ARHGAP25: variants seen among roughly 807,000 people sequenced by gnomAD.
ARHGAP25 encodes the protein Rho GTPase activating protein 25.
Under a neutral mutation model 71.0 loss-of-function variants are expected in ARHGAP25, and 34 were observed. The ratio of observed to expected loss-of-function variants is 0.48; its 90% confidence interval spans 0.36 to 0.64. The LOEUF (loss-of-function observed/expected upper bound fraction) is 0.64. Among genes scored for constraint, ARHGAP25 ranks in the 30% least tolerant of loss-of-function variants. ARHGAP25 has a pLI of 0.00. For missense variants in ARHGAP25, 706 were observed against 805.1 expected (o/e 0.88, Z 1.49); for synonymous variants, 282 against 296.5 (o/e 0.95, Z 0.50).
chr2:68,772,828 A>G (rs1378749160), intron 1 of ARHGAP25, among the ~76,000 whole-genome samples: 1 of 152,260 alleles, frequency 6.6e-6, no homozygotes, highest in African/African-American at 2.4e-5. Context: ...GCAAGATCTC[A>G]GATAAAGTTC....
chr2:68,778,690 G>T (rs751878649), intron 2 of ARHGAP25, among the ~76,000 whole-genome samples: 1 of 152,122 alleles, frequency 6.6e-6, no homozygotes, highest in Admixed American at 6.6e-5. Flanking sequence ...CCAAAAAATT[G>T]TCATACCCTT....
chr2:68,775,158 G>T (rs779696055), intron 1 of ARHGAP25, 63 bp from the exon 2 acceptor site: 2 of 1,613,012 alleles, frequency 1.2e-6, no homozygotes, highest in Non-Finnish European at 1.7e-6. Context: ...TCTCCTCTCC[G>T]CCCACTCTTT....
intron 1 of ARHGAP25, among the ~76,000 whole-genome samples, chr2:68,773,621 A>G (rs1160303365): frequency 6.6e-6 from 1 of 152,338 alleles, no homozygotes; most frequent in East Asian, 1.9e-4. Flanking sequence ...GACTCATGTA[A>G]CAAACCAGCA....
At chr2:68,774,422 C>T (rs948217722) in intron 1 of ARHGAP25, among the ~76,000 whole-genome samples, 1 of 152,180 alleles carries the variant, frequency 6.6e-6, no homozygotes, top group African/African-American at 2.4e-5. Flanking sequence ...GCCAAATATA[C>T]CATGCTGAGT....
intron 5 of ARHGAP25, among the ~76,000 whole-genome samples, chr2:68,809,037 A>G (rs1680584341): frequency 6.6e-6 from 1 of 151,988 alleles, no homozygotes; most frequent in Non-Finnish European, 1.5e-5. Flanking sequence ...CGCAGGGGCA[A>G]CTCTTAGGTC....
chr2:68,720,365 A>C (rs932326509), intron 2 of ARHGAP25, among the ~76,000 whole-genome samples: 1 of 151,850 alleles, frequency 6.6e-6, no homozygotes, highest in Non-Finnish European at 1.5e-5. Context: ...AGAAAAAAAA[A>C]AGCTCCTATA....
At chr2:68,761,672 A>T (rs1676829898) in intron 1 of ARHGAP25, among the ~76,000 whole-genome samples, 1 of 152,192 alleles carries the variant, frequency 6.6e-6, no homozygotes, top group African/African-American at 2.4e-5. Context: ...TGCAACACGA[A>T]CTACAGCGAG....
intron 4 of ARHGAP25, among the ~76,000 whole-genome samples, chr2:68,804,580 A>G (rs1016170414): frequency 6.6e-6 from 1 of 152,184 alleles, no homozygotes; most frequent in Non-Finnish European, 1.5e-5. Context: ...CAGACAGTCC[A>G]TCTGTTATGT....
At chr2:68,819,100 G>A in intron 8 of ARHGAP25, 23 bp from the exon 9 acceptor site, 1 of 1,525,560 alleles carries the variant, frequency 6.6e-7, no homozygotes, top group Non-Finnish European at 8.8e-7. Flanking sequence ...CTACACAACA[G>A]ATCTTTTTCT....
At chr2:68,816,955 G>A (rs989974802) in intron 7 of ARHGAP25, 3 of 152,282 alleles carry the variant, frequency 2.0e-5, no homozygotes, top group Admixed American at 2.0e-4. Context: ...AAATAAAAAG[G>A]ACCCACAATC....
chr2:68,743,301 C>T (rs915287318), intron 1 of ARHGAP25, among the ~76,000 whole-genome samples: 23 of 98,404 alleles, frequency 2.3e-4, no homozygotes, highest in Non-Finnish European at 4.5e-4. Context: ...TTCAGGGGCT[C>T]AGTGTTTAAC....
intron 7 of ARHGAP25, among the ~76,000 whole-genome samples, chr2:68,817,484 T>A (rs1446255034): frequency 6.6e-6 from 1 of 152,130 alleles, no homozygotes; most frequent in African/African-American, 2.4e-5. Flanking sequence ...CCAATAAAGT[T>A]TTCCTCTCTG....
intron 4 of ARHGAP25, among the ~76,000 whole-genome samples, chr2:68,790,277 A>C (rs1443917632): frequency 1.3e-5 from 2 of 152,226 alleles, no homozygotes; most frequent in Non-Finnish European, 2.9e-5. Context: ...GGCATGAGCC[A>C]CCGTGCCCAG....
Position 68,761,826 on chromosome 2 carries a change from A to AG in ARHGAP25, c.62-13394dup, listed in dbSNP as rs989941157. On this transcript the variant is annotated intron_variant, in intron 1 of 10. Coordinates refer to ENST00000409202, the MANE Select transcript of ARHGAP25 (RefSeq NM_001007231.3). ...CAGCTACTATGGAAAACAGTATAGC[A>AG]GTTCCACAAAAAATTAAAAATAGAA... Among the ~76,000 whole-genome samples, 43 of 152,322 alleles carry AG rather than the reference A, an allele frequency of 2.8e-4. 1 individual carries two copies. Among genetic ancestry groups the AG allele is most frequent in the African/African-American group, 9.6e-4 (40 of 41,576 alleles).
At chr2:68,735,483 G>A (rs1275967925) in intron 1 of ARHGAP25, 1 of 600,444 alleles carries the variant, frequency 1.7e-6, no homozygotes, top group Non-Finnish European at 3.0e-6. Context: ...GCACTCCTTG[G>A]TGTGCAGGAT....
chr2:68,746,628 A>C (rs746180472), intron 1 of ARHGAP25, among the ~76,000 whole-genome samples: 1 of 152,024 alleles, frequency 6.6e-6, no homozygotes, highest in Admixed American at 6.6e-5. Context: ...CATGTGTGTA[A>C]GGCCCCTGAC....
intron 1 of ARHGAP25, among the ~76,000 whole-genome samples, chr2:68,742,491 C>G (rs950254359): frequency 6.6e-6 from 1 of 152,152 alleles, no homozygotes; most frequent in Non-Finnish European, 1.5e-5. Flanking sequence ...GGTTTTCCAA[C>G]TGTAAAATGA....
At chr2:68,717,763 C>T (rs1674649546) in intron 2 of ARHGAP25, among the ~76,000 whole-genome samples, 1 of 152,156 alleles carries the variant, frequency 6.6e-6, no homozygotes, top group Non-Finnish European at 1.5e-5. Flanking sequence ...AAAACTAAGA[C>T]ATATTTTAAG....
intron 4 of ARHGAP25, among the ~76,000 whole-genome samples, chr2:68,802,503 G>T (rs1680052919): frequency 6.6e-6 from 1 of 151,944 alleles, no homozygotes; most frequent in Admixed American, 6.6e-5. Context: ...TGCTAATTGG[G>T]TTAGTTAAGT....
Sources: allele counts gnomAD v4.1 joint callset (sites outside exome capture counted in the v4.1 genomes callset), GRCh38; gene constraint gnomAD v4.1.1; transcripts MANE v1.5; gene names NCBI Gene and HGNC (gene_info 2026-07-23, HGNC 2026-07-21).